Variants in CREG2 observed in about 807,000 individuals in gnomAD.
The protein encoded by CREG2 is cellular repressor of E1A stimulated genes 2.
CREG2 carries 24 observed loss-of-function variants against 26.2 expected under a neutral mutation model. The ratio of observed to expected loss-of-function variants is 0.92; its 90% CI spans 0.66 to 1.29. CREG2 has a LOEUF of 1.29. CREG2 is among the 50% of genes most tolerant of loss of function. The pLI is 0.00. For synonymous variants in CREG2, 174 were observed against 169.2 expected, an observed-to-expected ratio of 1.03 and a Z score of -0.22; for missense variants, 366 against 398.6, an observed-to-expected ratio of 0.92 and a Z score of 0.70.
intron 2 of CREG2, among the ~76,000 whole-genome samples, chr2:101,363,167 G>A (rs59837431): frequency 0.011 from 1,720 of 152,282 alleles, 23 homozygotes; most frequent in African/African-American, 0.039. Flanking sequence ...TGTTCTTAGC[G>A]GGTGGGTTTC....
rs1227003295 is a variant in CREG2 at position 101,347,731 on chromosome 2, G to A, written c.*3192C>T. ...TATTCTAGATACTAATCTTTTGTTG[G>A]ATATGTGGTTTGGAAATATTTTCTC... On this transcript the variant is annotated 3_prime_UTR_variant, in exon 4 of 4. Coordinates refer to ENST00000324768, the MANE Select transcript of CREG2 (RefSeq NM_153836.4). 2.0e-5 allele frequency: 3 copies of A among 152,068 alleles called. No individual in the cohort carries two copies. The highest frequency in any genetic ancestry group is 7.2e-5 in the African/African-American group (3 of 41,394). The allele number at this position is 152,068 out of a possible 1,614,324, so 9.4% of individuals were successfully genotyped here.
Position 101,383,545 on chromosome 2 carries a change from C to G in CREG2, c.599G>C (p.Gly200Ala). The change falls in exon 2 of 4, where the codon GGG (glycine) becomes GCG (alanine). Residue 200 changes from glycine to alanine, a missense_variant. Physicochemically the swap from Gly to Ala is moderately conservative, Grantham distance 60 (BLOSUM62 0). Transcript: ENST00000324768. ...MASLMLPESE[G>A]EFCRKNIVDP... ...AACCGTCGTCTACCTGCAGAACTCC[C>G]CTTCTGATTCTGGCAGCATCAGCGA... 6.2e-7 allele frequency: 1 copy of G among 1,613,992 alleles called. No individual in the cohort carries two copies. Among genetic ancestry groups the G allele is most frequent in the South Asian group, 1.1e-5 (1 of 91,062 alleles).
intron 2 of CREG2, chr2:101,375,797 T>C: frequency 6.5e-6 from 1 of 154,472 alleles, no homozygotes. Context: ...GGGCTGACAG[T>C]GTTTTACTCC....
chr2:101,353,412 T>C (rs1377365884), intron 3 of CREG2, among the ~76,000 whole-genome samples: 2 of 152,196 alleles, frequency 1.3e-5, no homozygotes, highest in Non-Finnish European at 2.9e-5. Context: ...AAAACCACAA[T>C]GGATACCATC....
At position 101,384,668 on chromosome 2, in the gene CREG2, C is replaced by T. The variant is rs921373807; in HGVS notation, c.442-966G>A. Reference sequence around the variant, plus strand: ...CCCAACAGTTCAGGATCAGCCTGGGCAAGATAGCGAGACCCCCATCCCTAC... The same window carrying T: ...CCCAACAGTTCAGGATCAGCCTGGGTAAGATAGCGAGACCCCCATCCCTAC... On this transcript the variant is annotated intron_variant, in intron 1 of 3. Transcript: ENST00000324768. 2.0e-5 allele frequency among the ~76,000 whole-genome samples: 3 copies of T among 152,150 alleles called. No individual in the cohort carries two copies. The East Asian group carries it at 5.8e-4, about 29-fold the overall frequency.
chr2:101,370,644 C>G (rs1387234034), intron 2 of CREG2, among the ~76,000 whole-genome samples: 1 of 152,140 alleles, frequency 6.6e-6, no homozygotes, highest in Non-Finnish European at 1.5e-5. Context: ...TCCGAAGGCC[C>G]TTATTTTCAG....
chr2:101,383,658 G>A lies in CREG2; in HGVS notation c.486C>T (p.Gly162=). The change falls in exon 2 of 4, where the codon GGC becomes GGT. Residue 162 remains glycine (G), a synonymous_variant. Coordinates refer to ENST00000324768, the MANE Select transcript of CREG2 (RefSeq NM_153836.4). ...PFGNCLPVSD[G]PFNNSTGIPF... Reference sequence around the variant, plus strand: ...GAATCCCAGTGCTATTGTTGAAGGGGCCATCACTGACGGGCAGGCAGTTCC... The same window carrying A: ...GAATCCCAGTGCTATTGTTGAAGGGACCATCACTGACGGGCAGGCAGTTCC... 1.2e-6 allele frequency: 2 copies of A among 1,613,024 alleles called. No individual in the cohort carries two copies. Among genetic ancestry groups the A allele is most frequent in the East Asian group, 4.5e-5 (2 of 44,852 alleles).
Position 101,383,664 on chromosome 2 carries a change from A to G in CREG2, c.480T>C (p.Ser160=), listed in dbSNP as rs755169821. Residue 160 remains serine, a synonymous_variant, in exon 2 of 4, where the codon AGT becomes AGC. Coordinates refer to ENST00000324768, the MANE Select transcript of CREG2 (RefSeq NM_153836.4). ...GLPFGNCLPV[S]DGPFNNSTGI... is the part of the protein sequence containing the mutation. Reference sequence around the variant, plus strand: ...CAGTGCTATTGTTGAAGGGGCCATCACTGACGGGCAGGCAGTTCCCAAATG... The same window carrying G: ...CAGTGCTATTGTTGAAGGGGCCATCGCTGACGGGCAGGCAGTTCCCAAATG... The G allele has an allele frequency of 1.2e-6, 2 of 1,612,584 alleles. No homozygotes were observed. Among genetic ancestry groups the G allele is most frequent in the Non-Finnish European group, 1.7e-6 (2 of 1,179,088 alleles).
At chr2:101,381,367 T>A (rs1573317691) in intron 2 of CREG2, among the ~76,000 whole-genome samples, 1 of 152,188 alleles carries the variant, frequency 6.6e-6, no homozygotes, top group African/African-American at 2.4e-5. Flanking sequence ...ACTTGTTAAG[T>A]CCCTGTGTTC....
At chr2:101,377,335 T>C (rs951411387) in intron 2 of CREG2, among the ~76,000 whole-genome samples, 6 of 152,116 alleles carry the variant, frequency 3.9e-5, no homozygotes, top group African/African-American at 7.2e-5. Flanking sequence ...ATCTTCAAAA[T>C]GAAAATTGAT....
chr2:101,379,718 G>A lies in CREG2; in HGVS notation c.611+3815C>T, dbSNP rs547078779. The stretch of plus-strand genomic sequence containing the variant: ...AAACTAGGTATAAATCAAATATTAA[G>A]TCAATCAGTAAAGAGGCAGACACCG... On this transcript the variant is annotated intron_variant, in intron 2 of 3. Transcript: ENST00000324768. 3.5e-4 allele frequency among the ~76,000 whole-genome samples: 53 copies of A among 152,312 alleles called. 2 individuals are homozygous for A. In the South Asian group the frequency reaches 8.1e-3, roughly 23 times the overall value.
intron 2 of CREG2, among the ~76,000 whole-genome samples, chr2:101,379,265 A>C (rs1684835406): frequency 6.6e-6 from 1 of 152,196 alleles, no homozygotes; most frequent in South Asian, 2.1e-4. Flanking sequence ...AATATCTGGA[A>C]AAAATCCCTA....
chr2:101,371,392 A>G (rs1375220144), intron 2 of CREG2, among the ~76,000 whole-genome samples: 1 of 152,200 alleles, frequency 6.6e-6, no homozygotes, highest in African/African-American at 2.4e-5. Context: ...ATTCATTTAA[A>G]GGGAAGAAGG....
chr2:101,375,044 G>A (rs1427559112), intron 2 of CREG2, among the ~76,000 whole-genome samples: 1 of 152,074 alleles, frequency 6.6e-6, no homozygotes, highest in Non-Finnish European at 1.5e-5. Context: ...TCTTCCTGTT[G>A]ATGTGTCTGC....
At chr2:101,380,749 C>G (rs894606707) in intron 2 of CREG2, among the ~76,000 whole-genome samples, 13 of 151,568 alleles carry the variant, frequency 8.6e-5, no homozygotes, top group African/African-American at 3.2e-4. Context: ...CAAGACCAGC[C>G]TGACCAACCT....
rs140951925 is a variant in CREG2, at chr2:101,369,473, T to C, written c.611+14060A>G. On this transcript the variant is annotated intron_variant, in intron 2 of 3. Transcript: ENST00000324768. The stretch of plus-strand genomic sequence containing the variant: ...GGGTCTAGAGCTCAGATGAGTGGTC[T>C]CAGCTGGGACTATACATTTGGGAGT... Among the ~76,000 whole-genome samples the C allele has an allele frequency of 4.3e-3, 656 of 152,238 alleles. 7 individuals are homozygous for C. Among genetic ancestry groups the C allele is most frequent in the African/African-American group, 0.014 (595 of 41,526 alleles).
intron 1 of CREG2, among the ~76,000 whole-genome samples, chr2:101,386,291 A>G (rs562659744): frequency 5.3e-4 from 80 of 152,322 alleles, no homozygotes; most frequent in African/African-American, 1.9e-3. Context: ...GGAAGTAAAG[A>G]GGAGTTCACA....
rs753294311 is a variant in CREG2 at position 101,351,001 on chromosome 2, G to A, written c.795C>T (p.Ile265=). 6.2e-7 allele frequency: 1 copy of A among 1,614,030 alleles called. No individual in the cohort carries two copies. The highest frequency in any genetic ancestry group is 8.5e-7 in the Non-Finnish European group (1 of 1,180,004). ...CGCCTCCATACCATTTCTGAAGCCA[G>A]ATATGTTCTATCCTCATCTTCATAA... ...WFFMKMRIEH[I]WLQKWYGGAS... The change falls in exon 4 of 4, where the codon ATC becomes ATT. Residue 265 remains isoleucine (I), a synonymous_variant. Transcript: ENST00000324768.
intron 2 of CREG2, among the ~76,000 whole-genome samples, chr2:101,372,121 G>A (rs1684717522): frequency 6.6e-6 from 1 of 152,128 alleles, no homozygotes; most frequent in Non-Finnish European, 1.5e-5. Context: ...GCCACGCTGT[G>A]GAACCCTACT....
Sources: allele counts gnomAD v4.1 joint callset (sites outside exome capture counted in the v4.1 genomes callset), GRCh38; gene constraint gnomAD v4.1.1; transcripts MANE v1.5; gene names NCBI Gene and HGNC (gene_info 2026-07-23, HGNC 2026-07-21).